The following GLRA1 variants were observed in gnomAD, a reference collection of about 807,000 sequenced individuals.
The protein encoded by GLRA1 is glycine receptor alpha 1.
Under a neutral mutation model 48.3 loss-of-function variants are expected in GLRA1, and 37 were observed. The ratio of observed to expected loss-of-function variants is 0.77; its 90% CI spans 0.59 to 1.01. The LOEUF (loss-of-function observed/expected upper bound fraction) is 1.01, where lower values mean the gene tolerates loss of function less well. GLRA1 is among the 50% of genes least tolerant of loss of function. The probability of loss-of-function intolerance (pLI) is 0.00; values close to 1 mark genes in which losing one functional copy is unlikely to be tolerated. For missense variants in GLRA1, 427 were observed against 571.0 expected (o/e 0.75, Z 2.57); for synonymous variants, 196 against 210.7 (o/e 0.93, Z 0.60).
chr5:151,850,339 G>C, intron 7 of GLRA1: 1 of 1,494,794 alleles, frequency 6.7e-7, no homozygotes, highest in Non-Finnish European at 9.3e-7. Flanking sequence ...TGGGTGGGCT[G>C]TTTCATTTTG....
chr5:151,849,260 T>TTCTCTC (rs1276065174), intron 7 of GLRA1, among the ~76,000 whole-genome samples: 1,038 of 79,604 alleles, frequency 0.013, 51 homozygotes, highest in South Asian at 0.035. Flanking sequence ...CCTTCTTTCT[T>TTCTCTC]TCTCTCTCTC....
At chr5:151,868,361 C>T (rs1753389324) in intron 3 of GLRA1, among the ~76,000 whole-genome samples, 1 of 152,186 alleles carries the variant, frequency 6.6e-6, no homozygotes, top group South Asian at 2.1e-4. Context: ...GACTTCACCA[C>T]ATGCAAGAAA....
In GLRA1 at chr5:151,924,741, G is replaced by T; in HGVS notation, c.-192C>A. 1.5e-6 allele frequency: 1 copy of T among 655,644 alleles called. No individual in the cohort carries two copies. The highest frequency in any genetic ancestry group is 2.8e-6 in the Non-Finnish European group (1 of 361,336). 40.6% of individuals were successfully genotyped at this position (655,644 alleles called of 1,614,324 possible). On this transcript the variant is annotated 5_prime_UTR_variant, in exon 1 of 9. Transcript: ENST00000274576. ...GGTCGTAGATACCACGGACAGCGGCGGCTGCGAGGCGTTTCAGCACCACGG... is the reference window on the plus strand; with the variant it reads ...GGTCGTAGATACCACGGACAGCGGCTGCTGCGAGGCGTTTCAGCACCACGG...
intron 3 of GLRA1, among the ~76,000 whole-genome samples, chr5:151,880,055 T>C (rs1225145820): frequency 1.3e-5 from 2 of 152,220 alleles, no homozygotes; most frequent in Non-Finnish European, 2.9e-5. Flanking sequence ...AGATGTGACT[T>C]GCTCTTCCTT....
intron 8 of GLRA1, among the ~76,000 whole-genome samples, chr5:151,826,435 A>G (rs1291427884): frequency 6.6e-6 from 1 of 152,186 alleles, no homozygotes; most frequent in Non-Finnish European, 1.5e-5. Context: ...TTCAGGATGG[A>G]CACACTGATG....
At position 151,840,457 on chromosome 5, in the gene GLRA1, GATATAT is replaced by G. The variant is rs139230733; in HGVS notation, c.912+10927_912+10932del. On this transcript the variant is annotated intron_variant, in intron 7 of 8. Transcript: ENST00000274576. ...AGGAACAAAGACACAAAAAAGATAA[GATATAT>G]ATAGAAAACAACACAATGGCAGATG... Among the ~76,000 whole-genome samples the G allele has an allele frequency of 2.8e-3, 419 of 152,028 alleles. 6 individuals carry two copies. In the East Asian group the frequency reaches 0.046, roughly 17 times the overall value.
intron 1 of GLRA1, among the ~76,000 whole-genome samples, chr5:151,896,964 C>T (rs1453603426): frequency 6.6e-6 from 1 of 152,150 alleles, no homozygotes; most frequent in African/African-American, 2.4e-5. Context: ...AAGTGTTGGA[C>T]AGGCGTTAGA....
At chr5:151,894,069 A>G (rs2964565) in intron 1 of GLRA1, among the ~76,000 whole-genome samples, 44,208 of 152,066 alleles carry the variant, frequency 0.29, 7,772 homozygotes, top group South Asian at 0.38. Flanking sequence ...GATAGTTAGG[A>G]GCCATAAGCA....
chr5:151,843,435 G>C (rs1261697629), intron 7 of GLRA1, among the ~76,000 whole-genome samples: 1 of 151,556 alleles, frequency 6.6e-6, no homozygotes, highest in African/African-American at 2.4e-5. Context: ...TAATATTTTT[G>C]TATTTTTAGT....
chr5:151,920,645 ATACTTAATATAAGG>A (rs779126969), intron 1 of GLRA1, among the ~76,000 whole-genome samples: 1 of 152,128 alleles, frequency 6.6e-6, no homozygotes, highest in Non-Finnish European at 1.5e-5. Flanking sequence ...TACAGTAAGA[ATACTTAATATAAGG>A]TACTTAATAT....
At chr5:151,864,171 T>A (rs1001140556) in intron 3 of GLRA1, among the ~76,000 whole-genome samples, 4 of 151,828 alleles carry the variant, frequency 2.6e-5, no homozygotes, top group Non-Finnish European at 5.9e-5. Context: ...TGATGAGGCA[T>A]TGGGCAAGTC....
intron 4 of GLRA1, 97 bp downstream of exon 4, chr5:151,859,688 C>T (rs1753144138): frequency 1.5e-5 from 13 of 878,026 alleles, no homozygotes; most frequent in Non-Finnish European, 2.3e-5. Flanking sequence ...AGGGCCTGTT[C>T]ACCTCTGTTT....
At chr5:151,855,248 AG>A in intron 5 of GLRA1, 71 bp from the exon 6 acceptor site, 1 of 1,478,536 alleles carries the variant, frequency 6.8e-7, no homozygotes, top group South Asian at 1.1e-5. Flanking sequence ...AGGATTGGTT[AG>A]GGTTAGAGAC....
intron 7 of GLRA1, among the ~76,000 whole-genome samples, chr5:151,839,015 G>C (rs997048231): frequency 1.3e-5 from 2 of 152,206 alleles, no homozygotes; most frequent in African/African-American, 4.8e-5. Context: ...CAGCAAAAGA[G>C]AAGCAACTCC....
chr5:151,886,910 G>A, intron 2 of GLRA1, 122 bp from the exon 3 acceptor site: 3 of 767,426 alleles, frequency 3.9e-6, no homozygotes, highest in Non-Finnish European at 4.7e-6. Flanking sequence ...ATCCTTGCTT[G>A]CTCTCCACCC....
At chr5:151,893,208 A>T (rs751920992) in intron 1 of GLRA1, among the ~76,000 whole-genome samples, 11 of 152,060 alleles carry the variant, frequency 7.2e-5, no homozygotes, top group Non-Finnish European at 1.5e-4. Flanking sequence ...CCATTCAACA[A>T]AGTGGCTTTA....
intron 3 of GLRA1, among the ~76,000 whole-genome samples, chr5:151,879,151 C>A (rs1753698238): frequency 1.3e-5 from 2 of 152,202 alleles, no homozygotes; most frequent in Non-Finnish European, 2.9e-5. Context: ...GTGTGACCTG[C>A]ATATGAGACG....
intron 1 of GLRA1, among the ~76,000 whole-genome samples, chr5:151,919,368 GT>G (rs1483390360): frequency 6.6e-6 from 1 of 152,160 alleles, no homozygotes; most frequent in Non-Finnish European, 1.5e-5. Flanking sequence ...TTCTCACACC[GT>G]TTTTCAGATC....
At chr5:151,882,813 G>A (rs530759829) in intron 3 of GLRA1, among the ~76,000 whole-genome samples, 21 of 151,576 alleles carry the variant, frequency 1.4e-4, no homozygotes, top group African/African-American at 5.1e-4. Context: ...TAATTAAGAA[G>A]CCAGTGAGGA....
Sources: gnomAD v4.1 joint callset for allele counts (sites outside exome capture counted in the v4.1 genomes callset) on GRCh38, gnomAD v4.1.1 for gene constraint, MANE v1.5 for transcripts, NCBI Gene and HGNC (gene_info 2026-07-23, HGNC 2026-07-21) for gene names.